AFMID: variants seen among roughly 807,000 people sequenced by gnomAD.
AFMID encodes arylformamidase, also known as kynurenine formamidase.
A neutral mutation model predicts 47.5 loss-of-function variants in AFMID; 39 were observed. The observed-to-expected ratio is 0.82, with a 90% CI of 0.64 to 1.07. The LOEUF (loss-of-function observed/expected upper bound fraction) is 1.07, where lower values mean the gene tolerates loss of function less well. Ranked by LOEUF, AFMID falls within the 50% of genes least tolerant of loss-of-function variation. The pLI is 0.00. For synonymous variants in AFMID, 130 were observed against 153.2 expected, an observed-to-expected ratio of 0.85 and a Z score of 1.12; for missense variants, 375 against 387.5, an observed-to-expected ratio of 0.97 and a Z score of 0.27.
At chr17:78,190,336 T>C (rs2075931552) in intron 1 of AFMID, among the ~76,000 whole-genome samples, 1 of 152,116 alleles carries the variant, frequency 6.6e-6, no homozygotes, top group African/African-American at 2.4e-5. Flanking sequence ...CTCTGTGCCT[T>C]TGACTGTGCA....
At position 78,191,028 on chromosome 17, in the gene AFMID, C is replaced by A. The variant is rs758457659; in HGVS notation, c.122C>A (p.Ala41Asp). ...GTTGTCCGACTGGGAGCAGAGGAAG[C>A]CTTGAGGACCTACTCACAGATAGGA... ...RWVVRLGAEE[A>D]LRTYSQIGIE... Residue 41 changes from alanine (A) to aspartate (D), a missense_variant, in exon 2 of 11, where the codon GCC becomes GAC. Coordinates refer to ENST00000409257, the MANE Select transcript of AFMID (RefSeq NM_001010982.5). The A allele has an allele frequency of 6.2e-6, 10 of 1,614,036 alleles. No homozygotes were observed. The highest frequency in any genetic ancestry group is 4.0e-5 in the African/African-American group (3 of 75,030).
intron 7 of AFMID, 110 bp from the exon 8 acceptor site, chr17:78,205,330 G>A: frequency 6.9e-7 from 1 of 1,447,734 alleles, no homozygotes; most frequent in Non-Finnish European, 9.7e-7. Flanking sequence ...GGCCTTCTCT[G>A]CCTCCTCTGT....
chr17:78,204,608 C>T (rs763096884), intron 4 of AFMID, 48 bp from the exon 5 acceptor site: 32 of 1,586,738 alleles, frequency 2.0e-5, no homozygotes, highest in South Asian at 6.6e-5. Flanking sequence ...CAGGAAGCAG[C>T]GTAGTGGCCA....
At position 78,207,001 on chromosome 17, in the gene AFMID, T is replaced by C. The variant is rs1284749427; in HGVS notation, c.*64T>C. The C allele has an allele frequency of 1.3e-5, 21 of 1,558,272 alleles. No individual in the cohort carries two copies. The highest frequency in any genetic ancestry group is 1.8e-5 in the Non-Finnish European group (20 of 1,129,448). Reference sequence around the variant, plus strand: ...CCTTGGGAAGCCTCTCCAAAGAGCTTTCGGAGCTGACACTGACAGCTTCAG... The same window carrying C: ...CCTTGGGAAGCCTCTCCAAAGAGCTCTCGGAGCTGACACTGACAGCTTCAG... On this transcript the variant is annotated 3_prime_UTR_variant, in exon 11 of 11. Transcript: ENST00000409257.
In AFMID at chr17:78,190,998, G is replaced by A. The variant is rs369400202; in HGVS notation, c.92G>A (p.Arg31Gln). ...CTGGAGAATCAGTACTGTCCCAGCC[G>A]ATGGGTTGTCCGACTGGGAGCAGAG... is the stretch of plus-strand genomic sequence containing the variant. ...EELENQYCPS[R>Q]WVVRLGAEEA... The change falls in exon 2 of 11, where the codon CGA becomes CAA. Residue 31 changes from arginine to glutamine, a missense_variant. Coordinates refer to ENST00000409257, the MANE Select transcript of AFMID (RefSeq NM_001010982.5). 4.3e-6 allele frequency: 7 copies of A among 1,613,918 alleles called. No homozygotes were observed. The highest frequency in any genetic ancestry group is 3.3e-4 in the Middle Eastern group (2 of 6,054).
At chr17:78,205,853 G>A (rs2076366789) in intron 9 of AFMID, 93 bp from the exon 10 acceptor site, 3 of 1,595,246 alleles carry the variant, frequency 1.9e-6, no homozygotes, top group East Asian at 2.2e-5. Flanking sequence ...CACGTACTGA[G>A]TGAACCCTGA....
At chr17:78,191,128 G>A in intron 2 of AFMID, 68 bp downstream of exon 2, 1 of 1,389,816 alleles carries the variant, frequency 7.2e-7, no homozygotes. Context: ...TCAGAATGCT[G>A]GGGGTTGGGG....
rs1234540530 is a variant in AFMID at position 78,205,491 on chromosome 17, C to G, written c.617C>G (p.Ser206Ter). Residue 206 changes from serine to a stop codon, truncating the protein, a stop_gained, in exon 8 of 11, where the codon TCA becomes TGA. Coordinates refer to ENST00000409257, the MANE Select transcript of AFMID (RefSeq NM_001010982.5). LOFTEE classifies it high-confidence loss of function. ...GACCTGGAGCCCATCGTGTATACTT[C>G]ACAGAACGTTGCTCTCCAGCTGACC... The part of the protein sequence containing the change: ...VFDLEPIVYT[S>*]QNVALQLTLE... 6.2e-7 allele frequency: 1 copy of G among 1,614,084 alleles called. No homozygotes were observed. Among genetic ancestry groups the G allele is most frequent in the Non-Finnish European group, 8.5e-7 (1 of 1,180,034 alleles).
chr17:78,207,165 G>C lies in AFMID; in HGVS notation c.*228G>C, dbSNP rs914068052. On this transcript the variant is annotated 3_prime_UTR_variant, in exon 11 of 11. Coordinates refer to ENST00000409257, the MANE Select transcript of AFMID (RefSeq NM_001010982.5). Reference sequence around the variant, plus strand: ...GGAGCTCCAGGGCTGGGGAACGTCCGCAAGTCAATGCTCAGAGATGCCCGG... The same window carrying C: ...GGAGCTCCAGGGCTGGGGAACGTCCCCAAGTCAATGCTCAGAGATGCCCGG... 8.6e-6 allele frequency: 5 copies of C among 582,194 alleles called. No individual in the cohort carries two copies. Among genetic ancestry groups the C allele is most frequent in the Non-Finnish European group, 1.5e-5 (5 of 330,484 alleles). 36.1% of individuals were successfully genotyped at this position (582,194 alleles called of 1,614,324 possible). A position where few individuals can be genotyped will look rare whatever the true frequency, so the allele number is the denominator to read the frequency against.
chr17:78,201,907 T>C (rs1365106266), intron 2 of AFMID, among the ~76,000 whole-genome samples: 1 of 151,660 alleles, frequency 6.6e-6, no homozygotes, highest in Non-Finnish European at 1.5e-5. Flanking sequence ...ATTTTTTGTA[T>C]TTTTAGTAGA....
Position 78,191,008 on chromosome 17 carries a change from C to T in AFMID, c.102C>T (p.Val34=), listed in dbSNP as rs545830391. Residue 34 remains valine, a synonymous_variant, in exon 2 of 11, where the codon GTC becomes GTT. Coordinates refer to ENST00000409257, the MANE Select transcript of AFMID (RefSeq NM_001010982.5). The part of the protein sequence containing the change: ...ENQYCPSRWV[V]RLGAEEALRT... ...AGTACTGTCCCAGCCGATGGGTTGT[C>T]CGACTGGGAGCAGAGGAAGCCTTGA... The T allele has an allele frequency of 6.2e-7, 1 of 1,614,030 alleles. No individual in the cohort carries two copies. The highest frequency in any genetic ancestry group is 8.5e-7 in the Non-Finnish European group (1 of 1,179,996).
intron 2 of AFMID, among the ~76,000 whole-genome samples, chr17:78,201,115 GC>G (rs2076232562): frequency 6.6e-6 from 1 of 151,472 alleles, no homozygotes; most frequent in Non-Finnish European, 1.5e-5. Context: ...TCCCACTTCA[GC>G]CTCCCGAGTA....
chr17:78,188,019 A>G (rs934910048), intron 1 of AFMID, among the ~76,000 whole-genome samples: 1 of 150,716 alleles, frequency 6.6e-6, no homozygotes, highest in Non-Finnish European at 1.5e-5. Flanking sequence ...TTAGGGGACA[A>G]AGTTCTGGAC....
At chr17:78,193,047 C>T (rs1017703417) in intron 2 of AFMID, among the ~76,000 whole-genome samples, 1 of 152,006 alleles carries the variant, frequency 6.6e-6, no homozygotes, top group African/African-American at 2.4e-5. Flanking sequence ...TCTATTTGCT[C>T]GATAAATACA....
chr17:78,187,706 C>G (rs542912753), intron 1 of AFMID, among the ~76,000 whole-genome samples: 3 of 152,160 alleles, frequency 2.0e-5, no homozygotes, highest in South Asian at 4.2e-4. Flanking sequence ...GCGGCTCACA[C>G]CTGTAATCCT....
At chr17:78,203,583 A>G (rs1022995769) in intron 4 of AFMID, 2 of 151,186 alleles carry the variant, frequency 1.3e-5, no homozygotes, top group East Asian at 1.9e-4. Flanking sequence ...GTACTTTAGG[A>G]AAAAAAAATG....
chr17:78,187,561 G>A (rs1397005592), intron 1 of AFMID, 128 bp downstream of exon 1: 2 of 926,348 alleles, frequency 2.2e-6, no homozygotes, highest in Non-Finnish European at 3.4e-6. Context: ...CGCCTAGTGC[G>A]TGCCAGGTCC....
chr17:78,192,263 G>A (rs559184065), intron 2 of AFMID, among the ~76,000 whole-genome samples: 1 of 148,868 alleles, frequency 6.7e-6, no homozygotes, highest in African/African-American at 2.5e-5. Flanking sequence ...CGCCCTCCTC[G>A]GCCTCCCAAA....
Position 78,202,923 on chromosome 17 carries a change from A to C in AFMID, c.308+172A>C, listed in dbSNP as rs2076284486. On this transcript the variant is annotated intron_variant, in intron 4 of 10. Coordinates refer to ENST00000409257, the MANE Select transcript of AFMID (RefSeq NM_001010982.5). ...CAAGTCAAATGTGGGCAGGGTTCCT[A>C]GGGAGGGTCCTTCCTGCCTTCTCCA... 3.7e-6 allele frequency: 3 copies of C among 801,402 alleles called. No homozygotes were observed. The East Asian group carries it at 8.1e-5, about 22-fold the overall frequency. 49.6% of individuals were successfully genotyped at this position (801,402 alleles called of 1,614,324 possible). A position where few individuals can be genotyped will look rare whatever the true frequency, so the allele number is the denominator to read the frequency against.
Sources: allele counts gnomAD v4.1 joint callset (sites outside exome capture counted in the v4.1 genomes callset), GRCh38; gene constraint gnomAD v4.1.1; transcripts MANE v1.5; gene names NCBI Gene and HGNC (gene_info 2026-07-23, HGNC 2026-07-21).